Variants in SEC31A observed in about 807,000 individuals in gnomAD.
SEC31A encodes protein transport protein Sec31A.
A neutral mutation model predicts 151.0 loss-of-function variants in SEC31A; 70 were observed. The observed-to-expected ratio is 0.46, with a 90% CI of 0.38 to 0.57. The LOEUF (loss-of-function observed/expected upper bound fraction) is 0.57. SEC31A is among the 20% of genes least tolerant of loss of function. SEC31A has a pLI of 0.00. For synonymous variants in SEC31A, 475 were observed against 505.9 expected (o/e 0.94, Z 0.82); for missense variants, 1,330 against 1,471.2 (o/e 0.90, Z 1.57).
In SEC31A at chr4:82,844,339, A is replaced by G. The variant is rs776908907; in HGVS notation, c.2626+47T>C. On this transcript the variant is annotated intron_variant, in intron 21 of 26. Transcript: ENST00000395310. ...GGCTTCAAAGTAAAGTTACTAAATT[A>G]GATCATAAATACTGCTCTGAAAGGA... 8 of 1,584,210 alleles carry G rather than the reference A, an allele frequency of 5.0e-6. No homozygotes were observed. The Admixed American group carries it at 1.4e-4, about 28-fold the overall frequency.
At chr4:82,849,125 T>A in intron 19 of SEC31A, 148 bp from the exon 20 acceptor site, 1 of 711,630 alleles carries the variant, frequency 1.4e-6, no homozygotes, top group Non-Finnish European at 2.3e-6. Context: ...CACACAGATT[T>A]GACATTGTGC....
intron 24 of SEC31A, 66 bp downstream of exon 24, chr4:82,827,303 C>A: frequency 6.7e-7 from 1 of 1,499,872 alleles, no homozygotes. Flanking sequence ...TAAAAGTTAG[C>A]ACATTAAAGA....
intron 13 of SEC31A, among the ~76,000 whole-genome samples, chr4:82,862,270 T>A (rs868462096): frequency 1.7e-4 from 24 of 142,712 alleles, no homozygotes; most frequent in Middle Eastern, 3.8e-3. Flanking sequence ...AAAAAAAAAA[T>A]TTTATCTTAA....
chr4:82,830,778 A>C (rs1174837174), intron 22 of SEC31A, among the ~76,000 whole-genome samples: 2 of 152,238 alleles, frequency 1.3e-5, no homozygotes, highest in Non-Finnish European at 2.9e-5. Context: ...ATCAGTTGTA[A>C]AATCTGATTC....
intron 6 of SEC31A, among the ~76,000 whole-genome samples, chr4:82,873,053 A>AACAAAC (rs1737102270): frequency 6.6e-6 from 1 of 152,170 alleles, no homozygotes; most frequent in South Asian, 2.1e-4. Flanking sequence ...GAAAAACAAA[A>AACAAAC]AACAGATAAA....
chr4:82,869,778 A>G (rs1038299567), intron 8 of SEC31A, among the ~76,000 whole-genome samples: 1 of 152,226 alleles, frequency 6.6e-6, no homozygotes, highest in African/African-American at 2.4e-5. Context: ...ATGAAAACTT[A>G]TCGAAGACAC....
At chr4:82,857,955 CATAAATAAAATCCAA>C (rs1282312261) in intron 14 of SEC31A, 191 bp from the exon 15 acceptor site, 3 of 447,538 alleles carry the variant, frequency 6.7e-6, no homozygotes, top group Non-Finnish European at 8.1e-6. Context: ...ATTATATAAT[CATAAATAAAATCCAA>C]GGTCATGAAG....
chr4:82,841,465 T>TATATATATATATAC (rs200595591), intron 22 of SEC31A, among the ~76,000 whole-genome samples: 6 of 103,204 alleles, frequency 5.8e-5, no homozygotes, highest in African/African-American at 2.2e-4. Context: ...TATATATATA[T>TATATATATATATAC]ATACACACAC....
At chr4:82,870,273 G>A (rs1474366445) in intron 8 of SEC31A, 52 bp downstream of exon 8, 2 of 1,382,430 alleles carry the variant, frequency 1.4e-6, no homozygotes, top group African/African-American at 2.9e-5. Context: ...TATGTAGCCA[G>A]AAGTAACATA....
chr4:82,845,173 G>A (rs1381421602), intron 20 of SEC31A: 2 of 1,421,632 alleles, frequency 1.4e-6, no homozygotes, highest in Non-Finnish European at 1.9e-6. Flanking sequence ...GCAGAATTCT[G>A]CTCAAAGAGG....
chr4:82,848,744 A>G, intron 20 of SEC31A, 60 bp downstream of exon 20: 12 of 1,474,596 alleles, frequency 8.1e-6, no homozygotes, highest in Non-Finnish European at 1.1e-5. Flanking sequence ...ACAAATGAAA[A>G]CCACCAATTT....
At chr4:82,871,259 T>C (rs778260048) in intron 7 of SEC31A, 56 of 1,338,388 alleles carry the variant, frequency 4.2e-5, no homozygotes, top group Non-Finnish European at 5.2e-5. Flanking sequence ...TATCTAACTA[T>C]ATGCACAAAT....
In SEC31A at chr4:82,848,962, G is replaced by A. The variant is rs1269450319; in HGVS notation, c.2344C>T (p.Leu782Phe). The A allele has an allele frequency of 6.2e-7, 1 of 1,613,238 alleles. No individual in the cohort carries two copies. Among genetic ancestry groups the A allele is most frequent in the African/African-American group, 1.3e-5 (1 of 74,878 alleles). ...TGTGCTCTACAAAGTCTGTCACGAAGCTGCATGATATTTGGCTAAAAAGGA... is the reference window on the plus strand; with the variant it reads ...TGTGCTCTACAAAGTCTGTCACGAAACTGCATGATATTTGGCTAAAAAGGA... Reference protein sequence around the residue: ...DNTNQPNIMQLRDRLCRAQGE... With the variant: ...DNTNQPNIMQFRDRLCRAQGE... Residue 782 changes from leucine (L) to phenylalanine (F), a missense_variant, in exon 20 of 27, where the codon CTT (leucine) becomes TTT (phenylalanine). Physicochemically the swap from Leu to Phe is conservative, Grantham distance 22. Coordinates refer to ENST00000395310, the MANE Select transcript of SEC31A (RefSeq NM_001077207.4).
chr4:82,886,263 A>G (rs1305972355), intron 1 of SEC31A, among the ~76,000 whole-genome samples: 9 of 152,244 alleles, frequency 5.9e-5, no homozygotes, highest in Non-Finnish European at 1.2e-4. Flanking sequence ...TCACATGGTT[A>G]AAAGCATGGT....
rs1277487137 is a variant in SEC31A at position 82,818,993 on chromosome 4, C to T, written c.*81G>A. ...TGCTATGCAAACATGCTAATGAGGA[C>T]TAGTCCATGTCTTATAATTTTTTTT... On this transcript the variant is annotated 3_prime_UTR_variant, in exon 27 of 27. Transcript: ENST00000395310. The T allele has an allele frequency of 4.3e-6, 5 of 1,153,620 alleles. No homozygotes were observed. Among genetic ancestry groups the T allele is most frequent in the Non-Finnish European group, 4.9e-6 (4 of 820,728 alleles). The allele number at this position is 1,153,620 out of a possible 1,614,324, so 71.5% of individuals were successfully genotyped here.
At chr4:82,891,364 G>A (rs1340755698), upstream of SEC31A, 12 of 621,212 alleles carry the variant, frequency 1.9e-5, no homozygotes, top group Non-Finnish European at 3.1e-5. Context: ...TGCGGTCATC[G>A]CGCCCCGGCG....
At position 82,842,305 on chromosome 4, in the gene SEC31A, G is replaced by A; in HGVS notation, c.2803C>T (p.Pro935Ser). Residue 935 changes from proline to serine, a missense_variant, in exon 22 of 27, where the codon CCT becomes TCT. Physicochemically the swap from Pro to Ser is moderately conservative, Grantham distance 74. Transcript: ENST00000395310. The part of the protein sequence containing the change: ...LYAAQHQASS[P>S]TSSPATSFPP... The stretch of plus-strand genomic sequence containing the variant: ...AAAGAAGTAGCAGGGCTGGAGGTAG[G>A]TGAAGAGGCCTGGTGCTGTGCTGCG... The A allele has an allele frequency of 6.2e-7, 1 of 1,613,638 alleles. No homozygotes were observed. Among genetic ancestry groups the A allele is most frequent in the Middle Eastern group, 1.6e-4 (1 of 6,062 alleles).
intron 1 of SEC31A, among the ~76,000 whole-genome samples, chr4:82,882,220 G>T (rs898362833): frequency 4.0e-5 from 6 of 151,844 alleles, no homozygotes; most frequent in South Asian, 2.1e-4. Flanking sequence ...TGGCTAACAT[G>T]GTGAGACCCC....
chr4:82,857,432 T>C (rs1296177553), intron 15 of SEC31A, among the ~76,000 whole-genome samples: 1 of 152,198 alleles, frequency 6.6e-6, no homozygotes. Flanking sequence ...TATACTGTAC[T>C]AAAGGAAAAG....
Sources: gnomAD v4.1 joint callset for allele counts (sites outside exome capture counted in the v4.1 genomes callset) on GRCh38, gnomAD v4.1.1 for gene constraint, MANE v1.5 for transcripts, NCBI Gene and HGNC (gene_info 2026-07-23, HGNC 2026-07-21) for gene names.